The following SPOP variants were observed in gnomAD, a reference collection of about 807,000 sequenced individuals.
SPOP encodes speckle type BTB/POZ protein.
Under a neutral mutation model 45.6 loss-of-function variants are expected in SPOP, and 11 were observed. The ratio of observed to expected loss-of-function variants is 0.24; its 90% CI spans 0.15 to 0.40. SPOP has a LOEUF of 0.40. Among genes scored for constraint, SPOP ranks in the 10% least tolerant of loss-of-function variants. The probability of loss-of-function intolerance (pLI) is 1.00; values close to 1 mark genes in which losing one functional copy is unlikely to be tolerated. For missense variants in SPOP, 152 were observed against 465.6 expected (o/e 0.33, Z 6.20); for synonymous variants, 166 against 166.3 (o/e 1.00, Z 0.01).
At chr17:49,656,583 G>A (rs987612599) in intron 1 of SPOP, among the ~76,000 whole-genome samples, 2 of 152,088 alleles carry the variant, frequency 1.3e-5, no homozygotes, top group African/African-American at 4.8e-5. Context: ...CACCCCGAAA[G>A]CCAGAAATGT....
chr17:49,646,628 T>G (rs2072763584), intron 1 of SPOP: 1 of 152,198 alleles, frequency 6.6e-6, no homozygotes, highest in African/African-American at 2.4e-5. Context: ...CTTTAAGCTA[T>G]ATAACCACTC....
chr17:49,622,139 T>C, intron 2 of SPOP, 72 bp from the exon 3 acceptor site: 1 of 1,559,126 alleles, frequency 6.4e-7, no homozygotes, highest in Non-Finnish European at 8.8e-7. Flanking sequence ...AAGGGCAGAT[T>C]ATCATTTCCC....
chr17:49,657,386 G>A (rs1241648005), intron 1 of SPOP, among the ~76,000 whole-genome samples: 1 of 151,922 alleles, frequency 6.6e-6, no homozygotes, highest in African/African-American at 2.4e-5. Flanking sequence ...TATGTACAAC[G>A]ATGTTCATCA....
Position 49,619,245 on chromosome 17 carries a change from G to T in SPOP, c.341C>A (p.Thr114Asn), listed in dbSNP as rs2072163069. 1 of 1,614,052 alleles carries T rather than the reference G, an allele frequency of 6.2e-7. No individual in the cohort carries two copies. The highest frequency in any genetic ancestry group is 1.1e-5 in the South Asian group (1 of 91,082). The stretch of plus-strand genomic sequence containing the variant: ...AGGAGAACATTTACCCATAGCTTTG[G>T]TTTCTTCTCCCTTGGCATTCAGGAT... Reference protein sequence around the residue: ...FSILNAKGEETKAMESQRAYR... With the variant: ...FSILNAKGEENKAMESQRAYR... Residue 114 changes from threonine to asparagine, a missense_variant, in exon 4 of 10, where the codon ACC (threonine) becomes AAC (asparagine). Around this residue, in one of 3 missense-constraint regions of SPOP, gnomAD observed 28 missense variants for 176.8 expected, o/e 0.16. Coordinates refer to ENST00000504102, the MANE Select transcript of SPOP (RefSeq NM_001007228.2). The surrounding 1 kb of genome is among the most constrained non-coding windows in gnomAD (Gnocchi z 4.9).
chr17:49,652,821 T>C (rs2072860250), intron 1 of SPOP, among the ~76,000 whole-genome samples: 1 of 152,240 alleles, frequency 6.6e-6, no homozygotes, highest in Non-Finnish European at 1.5e-5. Context: ...AATATATTTC[T>C]AAGGGATTGG....
chr17:49,606,464 T>C (rs1359809741), intron 8 of SPOP, among the ~76,000 whole-genome samples: 1 of 150,544 alleles, frequency 6.6e-6, no homozygotes, highest in Non-Finnish European at 1.5e-5. Context: ...AGCACCACTG[T>C]GCCCAGCCTG....
intron 6 of SPOP, among the ~76,000 whole-genome samples, chr17:49,608,736 T>C (rs1056426993): frequency 6.6e-6 from 1 of 152,138 alleles, no homozygotes; most frequent in African/African-American, 2.4e-5. Flanking sequence ...CTCAAATTTG[T>C]TCATGTTGTC....
At chr17:49,662,869 C>T (rs930398928) in intron 1 of SPOP, among the ~76,000 whole-genome samples, 1 of 152,128 alleles carries the variant, frequency 6.6e-6, no homozygotes, top group Admixed American at 6.6e-5. Context: ...AAGTATTGAC[C>T]TTTGTTTCCC....
At chr17:49,676,199 C>T (rs1050989441) in intron 1 of SPOP, among the ~76,000 whole-genome samples, 5 of 151,270 alleles carry the variant, frequency 3.3e-5, no homozygotes, top group Admixed American at 3.3e-4. Flanking sequence ...AGCTCTAAAA[C>T]GAGAAATCAA....
intron 5 of SPOP, chr17:49,618,624 G>A (rs2072141634): frequency 4.4e-6 from 2 of 456,790 alleles, no homozygotes; most frequent in African/African-American, 4.0e-5. Context: ...CACACTTAAG[G>A]AGCCAGAAAG....
At chr17:49,636,746 T>C (rs1282283065) in intron 1 of SPOP, 1 of 152,172 alleles carries the variant, frequency 6.6e-6, no homozygotes, top group African/African-American at 2.4e-5. Context: ...AATAAAACTA[T>C]GTAAAAACTC....
At chr17:49,617,060 G>C (rs2072103387) in intron 5 of SPOP, among the ~76,000 whole-genome samples, 1 of 152,220 alleles carries the variant, frequency 6.6e-6, no homozygotes, top group African/African-American at 2.4e-5. Context: ...AGACTGTGAA[G>C]ACAGGGGTTG....
At chr17:49,665,711 C>T (rs1375374083) in intron 1 of SPOP, among the ~76,000 whole-genome samples, 2 of 141,814 alleles carry the variant, frequency 1.4e-5, no homozygotes, top group African/African-American at 2.5e-5. Context: ...TGGCCAGGTG[C>T]GATGGCTCAT....
At chr17:49,677,621 G>A (rs2073218768) in intron 1 of SPOP, among the ~76,000 whole-genome samples, 2 of 151,828 alleles carry the variant, frequency 1.3e-5, no homozygotes, top group Admixed American at 1.3e-4. Context: ...TCGCGCATGC[G>A]CAGTCACCCA....
intron 1 of SPOP, among the ~76,000 whole-genome samples, chr17:49,666,291 GA>G (rs768876099): frequency 2.5e-4 from 36 of 146,816 alleles, no homozygotes; most frequent in African/African-American, 5.5e-4. Context: ...TTATCTTTAT[GA>G]AAAAAAAAAG....
Position 49,600,418 on chromosome 17 carries a change from G to A in SPOP, c.1085C>T (p.Pro362Leu), listed in dbSNP as rs1052158260. The A allele has an allele frequency of 6.2e-7, 1 of 1,614,128 alleles. No individual in the cohort carries two copies. Among genetic ancestry groups the A allele is most frequent in the Non-Finnish European group, 8.5e-7 (1 of 1,179,998 alleles). ...AYRSLASAQCPFLGPPRKRLK... is the reference protein window; with the variant it reads ...AYRSLASAQCLFLGPPRKRLK... Reference sequence around the variant, plus strand: ...GCGTTTGCGTGGGGGTCCCAGAAAAGGGCACTGTGCTGAAGCCAGAGAGCG... The same window carrying A: ...GCGTTTGCGTGGGGGTCCCAGAAAAAGGCACTGTGCTGAAGCCAGAGAGCG... Residue 362 changes from proline to leucine, a missense_variant, in exon 10 of 10, where the codon CCT (proline) becomes CTT (leucine). Around this residue, in one of 3 missense-constraint regions of SPOP, gnomAD observed 106 missense variants for 255.2 expected, o/e 0.42. Coordinates refer to ENST00000504102, the MANE Select transcript of SPOP (RefSeq NM_001007228.2). The surrounding 1 kb of genome is among the most constrained non-coding windows in gnomAD (Gnocchi z 4.2).
At chr17:49,664,796 G>A (rs2073031744) in intron 1 of SPOP, among the ~76,000 whole-genome samples, 1 of 152,176 alleles carries the variant, frequency 6.6e-6, no homozygotes, top group Non-Finnish European at 1.5e-5. Context: ...TATGCCTCAT[G>A]GAGACTAAAG....
At chr17:49,625,395 G>A (rs2072308963) in intron 1 of SPOP, among the ~76,000 whole-genome samples, 1 of 152,126 alleles carries the variant, frequency 6.6e-6, no homozygotes, top group Non-Finnish European at 1.5e-5. Context: ...GATTACCTGG[G>A]GTTGGGAGTT....
intron 5 of SPOP, among the ~76,000 whole-genome samples, chr17:49,614,998 A>G (rs2072053818): frequency 6.6e-6 from 1 of 151,916 alleles, no homozygotes; most frequent in Non-Finnish European, 1.5e-5. Context: ...AGCTAGGACT[A>G]CAGGCACGTG....
Sources: allele counts gnomAD v4.1 joint callset (sites outside exome capture counted in the v4.1 genomes callset), GRCh38; gene constraint gnomAD v4.1.1; regional missense constraint gnomAD v4.1.1; non-coding constraint Gnocchi (gnomAD v3.1); transcripts MANE v1.5; gene names NCBI Gene and HGNC (gene_info 2026-07-23, HGNC 2026-07-21).